TRIM26: variants seen among roughly 807,000 people sequenced by gnomAD.
TRIM26 encodes the protein tripartite motif containing 26.
In TRIM26, 16 loss-of-function variants were observed where a neutral mutation model predicts 45.5. That is an observed-to-expected ratio of 0.35 (90% CI 0.24 to 0.53). The LOEUF (loss-of-function observed/expected upper bound fraction) is 0.53. TRIM26 is among the 20% of genes least tolerant of loss of function. The probability of loss-of-function intolerance (pLI) is 0.92; values close to 1 mark genes in which losing one functional copy is unlikely to be tolerated. For synonymous variants in TRIM26, 273 were observed against 290.4 expected (o/e 0.94, Z 0.61); for missense variants, 442 against 691.1 (o/e 0.64, Z 4.04).
intron 2 of TRIM26, among the ~76,000 whole-genome samples, chr6:30,203,401 CTTATTTATTTATTAATATAT>C (rs1330707136): frequency 5.9e-5 from 9 of 151,708 alleles, no homozygotes; most frequent in Non-Finnish European, 1.2e-4. Flanking sequence ...GCCTATACTT[CTTATTTATTTATTAATATAT>C]TTATTTATTT....
At chr6:30,200,542 G>T (rs2523719) in intron 3 of TRIM26, among the ~76,000 whole-genome samples, 16,705 of 152,242 alleles carry the variant, frequency 0.11, 1,091 homozygotes, top group South Asian at 0.14. Flanking sequence ...CGTCTAGATG[G>T]CAGGAATCCT....
Position 30,189,731 on chromosome 6 carries a change from G to A in TRIM26, c.789-198C>T, listed in dbSNP as rs901703029. 17 of 633,974 alleles carry A rather than the reference G, an allele frequency of 2.7e-5. No individual in the cohort carries two copies. The highest frequency in any genetic ancestry group is 2.0e-4 in the African/African-American group (11 of 54,518). 39.3% of individuals were successfully genotyped at this position (633,974 alleles called of 1,614,324 possible). A position where few individuals can be genotyped will look rare whatever the true frequency, so the allele number is the denominator to read the frequency against. ...CATCAGTAGACTCCACATCCAGGGC[G>A]CTCTGTCTACTAAGCCATGTTTCTA... On this transcript the variant is annotated intron_variant, in intron 7 of 9. Transcript: ENST00000454678. The surrounding 1 kb of genome is among the most constrained non-coding windows in gnomAD (Gnocchi z 5.0).
In TRIM26 at chr6:30,198,108, CCTT is replaced by C. The variant is rs1365199736; in HGVS notation, c.534+318_534+320del. 6.6e-6 allele frequency among the ~76,000 whole-genome samples: 1 copy of C among 152,230 alleles called. No individual in the cohort carries two copies. Among genetic ancestry groups the C allele is most frequent in the African/African-American group, 2.4e-5 (1 of 41,456 alleles). ...CTTTGAAAGGAAGAATGAAGCCACACCTTCTTCAGTCCCCTGGCAGAAGAGAAC... is the reference window on the plus strand; with the variant it reads ...CTTTGAAAGGAAGAATGAAGCCACACCTTCAGTCCCCTGGCAGAAGAGAAC... On this transcript the variant is annotated intron_variant, in intron 5 of 9. Transcript: ENST00000454678. This position sits in a 1 kb window ranked among gnomAD's most constrained non-coding sequence, Gnocchi z 6.3.
In TRIM26 at chr6:30,186,572, G is replaced by GA. The variant is rs765333706; in HGVS notation, c.938-15_938-14insT. The GA allele has an allele frequency of 2.0e-4, 281 of 1,389,588 alleles. 5 individuals carry two copies. The highest frequency in any genetic ancestry group is 1.4e-3 in the East Asian group (56 of 39,024). 86.1% of individuals were successfully genotyped at this position (1,389,588 alleles called of 1,614,324 possible). On this transcript the variant is annotated splice_polypyrimidine_tract_variant and intron_variant, in intron 9 of 9. Coordinates refer to ENST00000454678, the MANE Select transcript of TRIM26 (RefSeq NM_003449.5). The surrounding 1 kb of genome is among the most constrained non-coding windows in gnomAD (Gnocchi z 7.4). ...GGGTGACGCTCACTGTGGGGACAAG[G>GA]GAAAAAAAAAAAAACAGCATCACTG...
intron 1 of TRIM26, among the ~76,000 whole-genome samples, chr6:30,213,075 A>G (rs1778453708): frequency 6.6e-6 from 1 of 152,174 alleles, no homozygotes; most frequent in Non-Finnish European, 1.5e-5. Flanking sequence ...TCTGAGTAGG[A>G]TACCAGAAAG....
chr6:30,198,929 G>C lies in TRIM26; in HGVS notation c.175C>G (p.Pro59Ala), dbSNP rs1471408142. The change falls in exon 4 of 10, where the codon CCT becomes GCT. Residue 59 changes from proline to alanine, a missense_variant. By Grantham distance (27) the Pro-to-Ala change is conservative. Coordinates refer to ENST00000454678, the MANE Select transcript of TRIM26 (RefSeq NM_003449.5). This position sits in a 1 kb window ranked among gnomAD's most constrained non-coding sequence, Gnocchi z 6.3. ...GGTCGGATGTTCTCCTTCTTAAAAGGCTTCTTGCAGAGTGGGCAGACGGGG... is the reference window on the plus strand; with the variant it reads ...GGTCGGATGTTCTCCTTCTTAAAAGCCTTCTTGCAGAGTGGGCAGACGGGG... ...SRPVCPLCKKPFKKENIRPVW... is the reference protein window; with the variant it reads ...SRPVCPLCKKAFKKENIRPVW... 6.2e-7 allele frequency: 1 copy of C among 1,612,822 alleles called. No homozygotes were observed. Among genetic ancestry groups the C allele is most frequent in the Admixed American group, 1.7e-5 (1 of 60,002 alleles).
rs775528438 is a variant in TRIM26 at position 30,186,209 on chromosome 6, T to C, written c.1287A>G (p.Glu429=). 1.9e-6 allele frequency: 3 copies of C among 1,596,516 alleles called. No individual in the cohort carries two copies. The African/African-American group carries it at 4.0e-5, about 21-fold the overall frequency. Residue 429 remains glutamate (E), a synonymous_variant, in exon 10 of 10, where the codon GAA becomes GAG. Coordinates refer to ENST00000454678, the MANE Select transcript of TRIM26 (RefSeq NM_003449.5). The surrounding 1 kb of genome is among the most constrained non-coding windows in gnomAD (Gnocchi z 7.4). ...TGCAGCTTTCCAGAACTTCCTCCTC[T>C]TCCTCCTCCTCTTCTTCCTCTTCAT... The part of the protein sequence containing the change: ...LGDEEEEEEE[E]EEEVLESCMV...
Position 30,186,624 on chromosome 6 carries a change from G to A in TRIM26, c.938-66C>T, listed in dbSNP as rs143898932. On this transcript the variant is annotated intron_variant, in intron 9 of 9. Transcript: ENST00000454678. This position sits in a 1 kb window ranked among gnomAD's most constrained non-coding sequence, Gnocchi z 7.4. ...TTTGTTTTGTTTTTTAAGTCAGAGG[G>A]AATAAAATTTATTTTGGCAGATAGC... 8,528 of 1,467,534 alleles carry A rather than the reference G, an allele frequency of 5.8e-3. 82 individuals carry two copies. The highest frequency in any genetic ancestry group is 0.039 in the Middle Eastern group (199 of 5,140). 90.9% of individuals were successfully genotyped at this position (1,467,534 alleles called of 1,614,324 possible). A position where few individuals can be genotyped will look rare whatever the true frequency, so the allele number is the denominator to read the frequency against.
intron 1 of TRIM26, among the ~76,000 whole-genome samples, chr6:30,206,677 T>G (rs1777758745): frequency 6.6e-6 from 1 of 152,260 alleles, no homozygotes; most frequent in South Asian, 2.1e-4. Context: ...GTTCAAACCT[T>G]GACTACACAT....
chr6:30,197,702 T>C (rs1776638081), intron 5 of TRIM26, among the ~76,000 whole-genome samples: 4 of 152,246 alleles, frequency 2.6e-5, no homozygotes, highest in African/African-American at 7.2e-5. Context: ...ATCTACTATA[T>C]ACTTTAAATT....
At chr6:30,201,368 A>T (rs1416100677) in intron 2 of TRIM26, among the ~76,000 whole-genome samples, 1 of 152,188 alleles carries the variant, frequency 6.6e-6, no homozygotes, top group Non-Finnish European at 1.5e-5. Context: ...TAAATATAAG[A>T]GATTCTTATA....
At chr6:30,199,481 T>C (rs1410990651) in intron 3 of TRIM26, among the ~76,000 whole-genome samples, 1 of 152,076 alleles carries the variant, frequency 6.6e-6, no homozygotes. Context: ...TAATAAAAAA[T>C]CTCTCACTAC....
intron 9 of TRIM26, chr6:30,188,327 TA>T: frequency 1.7e-6 from 1 of 587,472 alleles, no homozygotes; most frequent in Non-Finnish European, 2.7e-6. Context: ...AGGGTCTCTG[TA>T]AACTGTTCAA....
intron 9 of TRIM26, chr6:30,187,100 G>A (rs1374026851): frequency 6.9e-6 from 2 of 287,930 alleles, no homozygotes; most frequent in Admixed American, 9.9e-5. Flanking sequence ...TTTGGCTGTT[G>A]TATTTCTGTA....
At chr6:30,211,319 C>A (rs996081068) in intron 1 of TRIM26, among the ~76,000 whole-genome samples, 3 of 152,196 alleles carry the variant, frequency 2.0e-5, no homozygotes, top group Non-Finnish European at 4.4e-5. Context: ...ATAAAGCTGG[C>A]AAAATCTAAT....
At position 30,198,684 on chromosome 6, in the gene TRIM26, C is replaced by T. The variant is rs1322746304; in HGVS notation, c.420G>A (p.Lys140=). ...HRPHTAVLME[K]AAQPHREKIL... ...GGCTTACCCTGTGGGGCTGGGCGGCCTTCTCCATGAGGACGGCCGTGTGGG... is the reference window on the plus strand; with the variant it reads ...GGCTTACCCTGTGGGGCTGGGCGGCTTTCTCCATGAGGACGGCCGTGTGGG... The change falls in exon 4 of 10, where the codon AAG becomes AAA. Residue 140 remains lysine (K), a synonymous_variant. Transcript: ENST00000454678. The surrounding 1 kb of genome is among the most constrained non-coding windows in gnomAD (Gnocchi z 6.3). 1 of 1,604,674 alleles carries T rather than the reference C, an allele frequency of 6.2e-7. No individual in the cohort carries two copies. Among genetic ancestry groups the T allele is most frequent in the African/African-American group, 1.3e-5 (1 of 75,014 alleles).
In TRIM26 at chr6:30,185,067, GT is replaced by G. The variant is rs1252400819; in HGVS notation, c.*808del. ...TGCTCCACTGGATGTTTGTCTTGGT[GT>G]TTTTGGATGTGCTGATCAAGAGCAA... On this transcript the variant is annotated 3_prime_UTR_variant, in exon 10 of 10. Coordinates refer to ENST00000454678, the MANE Select transcript of TRIM26 (RefSeq NM_003449.5). This position sits in a 1 kb window ranked among gnomAD's most constrained non-coding sequence, Gnocchi z 5.7. 6.6e-6 allele frequency: 1 copy of G among 152,350 alleles called. No homozygotes were observed. The highest frequency in any genetic ancestry group is 1.5e-5 in the Non-Finnish European group (1 of 68,090). 9.4% of individuals were successfully genotyped at this position (152,350 alleles called of 1,614,324 possible).
intron 6 of TRIM26, among the ~76,000 whole-genome samples, chr6:30,191,809 G>C (rs1775872968): frequency 1.3e-5 from 2 of 152,242 alleles, no homozygotes; most frequent in Non-Finnish European, 2.9e-5. Context: ...AAACATGTAA[G>C]TCCAAGGCGG....
At chr6:30,197,390 C>T (rs1413276910) in intron 5 of TRIM26, among the ~76,000 whole-genome samples, 1 of 152,138 alleles carries the variant, frequency 6.6e-6, no homozygotes, top group Non-Finnish European at 1.5e-5. Flanking sequence ...GGTCCTTGGA[C>T]TTGGCTGTCT....
Sources: allele counts gnomAD v4.1 joint callset (sites outside exome capture counted in the v4.1 genomes callset), GRCh38; gene constraint gnomAD v4.1.1; non-coding constraint Gnocchi (gnomAD v3.1); transcripts MANE v1.5; gene names NCBI Gene and HGNC (gene_info 2026-07-23, HGNC 2026-07-21).